DOCK1: variants seen among roughly 807,000 people sequenced by gnomAD.
DOCK1 encodes dedicator of cytokinesis protein 1.
DOCK1 carries 138 observed loss-of-function variants against 262.7 expected under a neutral mutation model. The observed-to-expected ratio is 0.53, with a 90% confidence interval of 0.46 to 0.61. The LOEUF is 0.61. Among genes scored for constraint, DOCK1 ranks in the 20% least tolerant of loss-of-function variants. The pLI, the probability that DOCK1 is intolerant of heterozygous loss-of-function variation, is 0.00. For missense variants in DOCK1, 1,908 were observed against 2,370.7 expected (o/e 0.80, Z 4.05); for synonymous variants, 866 against 867.4 (o/e 1.00, Z 0.03).
intron 40 of DOCK1, among the ~76,000 whole-genome samples, chr10:127,405,327 T>C (rs1007840786): frequency 6.6e-6 from 1 of 152,176 alleles, no homozygotes; most frequent in African/African-American, 2.4e-5. Context: ...AGAAGTTACA[T>C]AAATATTAAT....
intron 27 of DOCK1, among the ~76,000 whole-genome samples, chr10:127,195,103 C>T (rs1272503008): frequency 6.6e-6 from 1 of 152,216 alleles, no homozygotes; most frequent in Non-Finnish European, 1.5e-5. Flanking sequence ...CTCCCTGTGG[C>T]ATATTTTTGG....
chr10:127,422,511 T>C (rs1322354695), intron 46 of DOCK1, among the ~76,000 whole-genome samples: 1 of 152,172 alleles, frequency 6.6e-6, no homozygotes, highest in Admixed American at 6.5e-5. Context: ...AGAAGTTTTA[T>C]TTATATGTAT....
At position 127,129,158 on chromosome 10, in the gene DOCK1, A is replaced by G. The variant is rs1268478665; in HGVS notation, c.2847+1394A>G. Among the ~76,000 whole-genome samples the G allele has an allele frequency of 5.9e-5, 9 of 152,292 alleles. No individual in the cohort carries two copies. In the East Asian group the frequency reaches 1.7e-3, roughly 29 times the overall value. ...GGACTCCGTGTCGTGTGCGTCACAG[A>G]CAGGTCGCACAGATGGACAAATGCT... On this transcript the variant is annotated intron_variant, in intron 27 of 51. Transcript: ENST00000623213.
At chr10:127,443,804 C>T (rs2070350555) in intron 49 of DOCK1, among the ~76,000 whole-genome samples, 1 of 152,064 alleles carries the variant, frequency 6.6e-6, no homozygotes, top group South Asian at 2.1e-4. Flanking sequence ...TGGGGTGTTT[C>T]AGGATGCTGC....
At chr10:127,301,883 T>G (rs1171778967) in intron 29 of DOCK1, among the ~76,000 whole-genome samples, 2 of 150,724 alleles carry the variant, frequency 1.3e-5, no homozygotes, top group African/African-American at 4.9e-5. Context: ...GAGGTGGAGG[T>G]TGCAGTGAGC....
intron 2 of DOCK1, among the ~76,000 whole-genome samples, chr10:126,971,185 G>A (rs900241184): frequency 6.6e-6 from 1 of 151,860 alleles, no homozygotes; most frequent in African/African-American, 2.4e-5. Flanking sequence ...CGAGTAGCTG[G>A]GATTACAGGT....
Position 126,996,701 on chromosome 10 carries a change from C to T in DOCK1, c.474-47C>T, listed in dbSNP as rs748606988. 2.6e-6 allele frequency: 4 copies of T among 1,510,990 alleles called. No homozygotes were observed. In the South Asian group the frequency reaches 4.1e-5, roughly 16 times the overall value. The allele number at this position is 1,510,990 out of a possible 1,614,324, so 93.6% of individuals were successfully genotyped here. On this transcript the variant is annotated intron_variant, in intron 6 of 51. Coordinates refer to ENST00000623213, the MANE Select transcript of DOCK1 (RefSeq NM_001290223.2). ...GTGGAAGTTGTGCTAGAAAATTCAG[C>T]CTCCTTGGTCTATGTCTGTGAACTT...
rs74903509 is a variant in DOCK1 at position 127,413,073 on chromosome 10, C to T, written c.4429-2079C>T. 3.7e-3 allele frequency among the ~76,000 whole-genome samples: 571 copies of T among 152,286 alleles called. 3 individuals are homozygous for T. Among genetic ancestry groups the T allele is most frequent in the African/African-American group, 0.012 (486 of 41,544 alleles). On this transcript the variant is annotated intron_variant, in intron 43 of 51. Coordinates refer to ENST00000623213, the MANE Select transcript of DOCK1 (RefSeq NM_001290223.2). ...CTGCACCTGTTACTGTCATCATAAGCACTAACGCTAGTGTTTATATGGAGT... is the reference window on the plus strand; with the variant it reads ...CTGCACCTGTTACTGTCATCATAAGTACTAACGCTAGTGTTTATATGGAGT...
At chr10:127,348,604 C>A (rs980883327) in intron 31 of DOCK1, among the ~76,000 whole-genome samples, 1 of 151,360 alleles carries the variant, frequency 6.6e-6, no homozygotes, top group African/African-American at 2.4e-5. Flanking sequence ...AAGACCTCCC[C>A]ACCTGGTCCC....
intron 1 of DOCK1, among the ~76,000 whole-genome samples, chr10:126,958,015 T>G (rs2036886495): frequency 1.3e-5 from 2 of 152,202 alleles, no homozygotes; most frequent in Non-Finnish European, 2.9e-5. Context: ...TGACCGTTAT[T>G]TATGACTTAT....
intron 45 of DOCK1, among the ~76,000 whole-genome samples, chr10:127,419,351 G>A (rs562753521): frequency 6.6e-6 from 1 of 152,308 alleles, no homozygotes; most frequent in East Asian, 1.9e-4. Context: ...AGGAGGCATG[G>A]GCGTGTGAGT....
intron 42 of DOCK1, 62 bp from the exon 43 acceptor site, chr10:127,410,778 T>C (rs1399223124): frequency 4.6e-6 from 7 of 1,526,618 alleles, no homozygotes; most frequent in African/African-American, 1.4e-5. Context: ...AGACCCCGTG[T>C]CCAAAAGCAA....
chr10:127,027,654 G>A (rs1160572790), intron 16 of DOCK1, among the ~76,000 whole-genome samples: 2 of 152,150 alleles, frequency 1.3e-5, no homozygotes, highest in Non-Finnish European at 2.9e-5. Context: ...GTCAGGCAAG[G>A]TGGAGGCTGG....
rs71032534 is a variant in DOCK1, at chr10:127,045,200, T to TAAA, written c.2201+2059_2201+2061dup. Among the ~76,000 whole-genome samples the TAAA allele has an allele frequency of 5.5e-3, 448 of 82,048 alleles. 12 individuals are homozygous for TAAA. Among genetic ancestry groups the TAAA allele is most frequent in the African/African-American group, 6.2e-3 (128 of 20,686 alleles). The allele number at this position is 82,048 out of a possible 152,430, so 53.8% of individuals were successfully genotyped here. A position where few individuals can be genotyped will look rare whatever the true frequency, so the allele number is the denominator to read the frequency against. On this transcript the variant is annotated intron_variant, in intron 21 of 51. Coordinates refer to ENST00000623213, the MANE Select transcript of DOCK1 (RefSeq NM_001290223.2). ...GCTACAGATCAAGACTCTGTCTCAA[T>TAAA]AAAAAAAAAAAAAAAAAAAAAAAAA...
At chr10:127,008,910 T>C in intron 11 of DOCK1, 106 bp downstream of exon 11, 1 of 1,122,424 alleles carries the variant, frequency 8.9e-7, no homozygotes, top group South Asian at 1.5e-5. Flanking sequence ...AAGGATTGAT[T>C]ATTTTGTAAT....
chr10:127,142,399 G>T (rs2051349997), intron 27 of DOCK1, among the ~76,000 whole-genome samples: 1 of 152,148 alleles, frequency 6.6e-6, no homozygotes, highest in Non-Finnish European at 1.5e-5. Flanking sequence ...CCCTCCTGCT[G>T]GAGGGATCTG....
intron 1 of DOCK1, among the ~76,000 whole-genome samples, chr10:126,943,903 C>T (rs904961865): frequency 4.6e-5 from 7 of 152,090 alleles, no homozygotes; most frequent in Non-Finnish European, 8.8e-5. Flanking sequence ...CAAGCAGGGT[C>T]GTCCCAAGCT....
intron 1 of DOCK1, among the ~76,000 whole-genome samples, chr10:126,957,862 T>C (rs2036874509): frequency 6.6e-6 from 1 of 152,340 alleles, no homozygotes; most frequent in Admixed American, 6.5e-5. Context: ...CACATTGTGA[T>C]GTGTTGATAT....
chr10:127,036,042 AT>A (rs201297305), intron 18 of DOCK1, among the ~76,000 whole-genome samples: 1 of 149,390 alleles, frequency 6.7e-6, no homozygotes, highest in Non-Finnish European at 1.5e-5. Flanking sequence ...AAATAAATAA[AT>A]AAAAAAGAGT....
Sources: gnomAD v4.1 joint callset for allele counts (sites outside exome capture counted in the v4.1 genomes callset) on GRCh38, gnomAD v4.1.1 for gene constraint, MANE v1.5 for transcripts, NCBI Gene and HGNC (gene_info 2026-07-23, HGNC 2026-07-21) for gene names.